The following ZMAT4 variants were observed in gnomAD, a reference collection of about 807,000 sequenced individuals.
ZMAT4 encodes the protein zinc finger matrin-type 4.
ZMAT4 carries 17 observed loss-of-function variants against 28.7 expected under a neutral mutation model. The observed-to-expected ratio is 0.59, with a 90% CI of 0.41 to 0.89. The LOEUF (loss-of-function observed/expected upper bound fraction) is 0.89, where lower values mean the gene tolerates loss of function less well. ZMAT4 is among the 40% of genes least tolerant of loss of function. ZMAT4 has a pLI of 0.00. For missense variants in ZMAT4, 240 were observed against 283.8 expected (o/e 0.85, Z 1.11); for synonymous variants, 117 against 109.2 (o/e 1.07, Z -0.44).
intron 1 of ZMAT4, among the ~76,000 whole-genome samples, chr8:40,835,249 T>A (rs1021833338): frequency 2.6e-5 from 4 of 152,042 alleles, no homozygotes; most frequent in Non-Finnish European, 5.9e-5. Context: ...AAAAGATCAC[T>A]AGCCTGCAAA....
chr8:40,622,844 C>T (rs1333748546), intron 5 of ZMAT4, among the ~76,000 whole-genome samples: 1 of 152,174 alleles, frequency 6.6e-6, no homozygotes, highest in Non-Finnish European at 1.5e-5. Context: ...GAGGGATCCA[C>T]CCCCATGACC....
chr8:40,635,899 T>G lies in ZMAT4; in HGVS notation c.577+38805A>C, dbSNP rs192208837. Among the ~76,000 whole-genome samples, 14 of 152,240 alleles carry G rather than the reference T, an allele frequency of 9.2e-5. No homozygotes were observed. The East Asian group carries it at 2.3e-3, about 25-fold the overall frequency. On this transcript the variant is annotated intron_variant, in intron 5 of 6. Transcript: ENST00000297737. ...AAAAGTCAAACTGTAACCTAATTAA[T>G]AAAAGTTGGAGAGAGGAAAAGATTT... is the stretch of plus-strand genomic sequence containing the variant.
chr8:40,793,565 G>A (rs992502932), intron 2 of ZMAT4, among the ~76,000 whole-genome samples: 6 of 152,182 alleles, frequency 3.9e-5, no homozygotes, highest in Admixed American at 3.9e-4. Context: ...TTCCATTTGG[G>A]GGTGTTTCTA....
At chr8:40,629,977 G>A (rs992183306) in intron 5 of ZMAT4, among the ~76,000 whole-genome samples, 18 of 152,052 alleles carry the variant, frequency 1.2e-4, no homozygotes, top group East Asian at 5.8e-4. Flanking sequence ...CTGAGGAATC[G>A]CCACACTGAC....
intron 3 of ZMAT4, among the ~76,000 whole-genome samples, chr8:40,740,722 C>T (rs1461363509): frequency 6.6e-6 from 1 of 152,192 alleles, no homozygotes; most frequent in African/African-American, 2.4e-5. Flanking sequence ...GGACTGTGCA[C>T]ACAGCAGTTT....
intron 2 of ZMAT4, among the ~76,000 whole-genome samples, chr8:40,799,139 A>ATGGCTGGCTGGCTGGCTGGCTGGC (rs527448026): frequency 7.5e-6 from 1 of 133,872 alleles, no homozygotes; most frequent in Non-Finnish European, 1.6e-5. Context: ...AGAAGGATAG[A>ATGGCTGGCTGGCTGGCTGGCTGGC]TGGCTGGCTG....
intron 1 of ZMAT4, among the ~76,000 whole-genome samples, chr8:40,863,517 C>G (rs1386222115): frequency 1.3e-5 from 2 of 152,128 alleles, no homozygotes; most frequent in Admixed American, 1.3e-4. Flanking sequence ...CAGAGAAGAA[C>G]ACAAGAGGAG....
intron 2 of ZMAT4, among the ~76,000 whole-genome samples, chr8:40,822,471 G>A (rs1019295987): frequency 6.6e-6 from 1 of 152,160 alleles, no homozygotes; most frequent in Non-Finnish European, 1.5e-5. Context: ...ATGGAATTTC[G>A]ATCTCCTAGA....
intron 5 of ZMAT4, among the ~76,000 whole-genome samples, chr8:40,584,373 A>G (rs1046547362): frequency 6.6e-6 from 1 of 152,174 alleles, no homozygotes; most frequent in African/African-American, 2.4e-5. Flanking sequence ...TCCCGTGTTA[A>G]GTGGACAGCG....
intron 1 of ZMAT4, among the ~76,000 whole-genome samples, chr8:40,837,690 A>G (rs1021223503): frequency 3.3e-5 from 5 of 152,194 alleles, no homozygotes; most frequent in African/African-American, 9.7e-5. Context: ...CTCACTGAGA[A>G]TGCTCATTCA....
chr8:40,839,736 C>T (rs1453615608), intron 1 of ZMAT4, among the ~76,000 whole-genome samples: 5 of 152,062 alleles, frequency 3.3e-5, no homozygotes, highest in Non-Finnish European at 5.9e-5. Context: ...CGTGTTCTCA[C>T]TCATAAGTAG....
chr8:40,716,143 T>G (rs879699385), intron 3 of ZMAT4, among the ~76,000 whole-genome samples: 4 of 152,190 alleles, frequency 2.6e-5, no homozygotes, highest in Admixed American at 2.6e-4. Flanking sequence ...GGAAAAGATT[T>G]CAAATCTCAA....
At chr8:40,739,708 C>T (rs1449260890) in intron 3 of ZMAT4, among the ~76,000 whole-genome samples, 2 of 152,110 alleles carry the variant, frequency 1.3e-5, no homozygotes, top group Non-Finnish European at 2.9e-5. Flanking sequence ...ATACCTGTGC[C>T]GTGGTGTTCT....
At chr8:40,801,606 G>T (rs1227267459) in intron 2 of ZMAT4, among the ~76,000 whole-genome samples, 1 of 151,880 alleles carries the variant, frequency 6.6e-6, no homozygotes, top group African/African-American at 2.4e-5. Context: ...GGAGGCAGAG[G>T]TGGCAGTGGG....
chr8:40,841,807 C>A (rs1031057482), intron 1 of ZMAT4, among the ~76,000 whole-genome samples: 1 of 152,176 alleles, frequency 6.6e-6, no homozygotes, highest in African/African-American at 2.4e-5. Flanking sequence ...CTATTGCTTC[C>A]CAGTAGAACT....
chr8:40,661,125 G>C (rs1175560679), intron 5 of ZMAT4, among the ~76,000 whole-genome samples: 1 of 152,026 alleles, frequency 6.6e-6, no homozygotes, highest in East Asian at 1.9e-4. Flanking sequence ...TTTTGATACA[G>C]AGTCTTGCTC....
chr8:40,803,311 G>A (rs556667876), intron 2 of ZMAT4, among the ~76,000 whole-genome samples: 2 of 152,186 alleles, frequency 1.3e-5, no homozygotes, highest in South Asian at 4.1e-4. Flanking sequence ...TAAAATATTT[G>A]CAAAATATTT....
chr8:40,556,417 A>T (rs1488692351), intron 6 of ZMAT4, among the ~76,000 whole-genome samples: 1 of 152,004 alleles, frequency 6.6e-6, no homozygotes, highest in Non-Finnish European at 1.5e-5. Flanking sequence ...CATCAATCCA[A>T]TTTTTCAATA....
chr8:40,889,647 C>T (rs1056020290), intron 1 of ZMAT4, among the ~76,000 whole-genome samples: 2 of 152,128 alleles, frequency 1.3e-5, no homozygotes, highest in Non-Finnish European at 2.9e-5. Flanking sequence ...ACTTTTAAGT[C>T]TTTACTTGCT....
Sources: gnomAD v4.1 joint callset for allele counts (sites outside exome capture counted in the v4.1 genomes callset) on GRCh38, gnomAD v4.1.1 for gene constraint, MANE v1.5 for transcripts, NCBI Gene and HGNC (gene_info 2026-07-23, HGNC 2026-07-21) for gene names.